Variants in ANKRD17 observed in about 807,000 individuals in gnomAD.
ANKRD17 encodes the protein ankyrin repeat domain 17, also known as ankyrin repeat domain-containing protein 17.
ANKRD17 carries 19 observed loss-of-function variants against 229.7 expected under a neutral mutation model. The ratio of observed to expected loss-of-function variants is 0.08; its 90% CI spans 0.06 to 0.12. ANKRD17 has a LOEUF of 0.12. Among genes scored for constraint, ANKRD17 ranks in the 10% least tolerant of loss-of-function variants. The pLI, the probability that ANKRD17 is intolerant of heterozygous loss-of-function variation, is 1.00. For synonymous variants in ANKRD17, 1,112 were observed against 1,146.1 expected (o/e 0.97, Z 0.60); for missense variants, 2,176 against 3,176.8 (o/e 0.68, Z 7.57).
rs752857815 is a variant in ANKRD17, at chr4:73,077,496, A to G, written c.7446T>C (p.Pro2482=). 2 of 1,612,222 alleles carry G rather than the reference A, an allele frequency of 1.2e-6. No homozygotes were observed. Among genetic ancestry groups the G allele is most frequent in the Non-Finnish European group, 1.7e-6 (2 of 1,179,198 alleles). Residue 2482 remains proline (P), a synonymous_variant, in exon 32 of 34, where the codon CCT becomes CCC. Coordinates refer to ENST00000358602, the MANE Select transcript of ANKRD17 (RefSeq NM_032217.5). ...VDWCNPGMGN[P]MIHRPMSDPG... is the part of the protein sequence containing the mutation. ...GGTCAGACATCGGTCTGTGGATCAT[A>G]GGATTTCCCATCCCAGGGTTACACC...
chr4:73,196,547 T>TAC (rs373480116), intron 1 of ANKRD17, among the ~76,000 whole-genome samples: 2 of 152,090 alleles, frequency 1.3e-5, no homozygotes, highest in South Asian at 2.1e-4. Context: ...CGTTTATATT[T>TAC]ACACACACAC....
At chr4:73,114,667 T>C (rs911517248) in intron 23 of ANKRD17, among the ~76,000 whole-genome samples, 9 of 152,104 alleles carry the variant, frequency 5.9e-5, no homozygotes, top group Non-Finnish European at 1.2e-4. Flanking sequence ...TAAAAATAAT[T>C]TATTTTTAAT....
At chr4:73,197,471 T>C (rs1738042563) in intron 1 of ANKRD17, among the ~76,000 whole-genome samples, 1 of 152,146 alleles carries the variant, frequency 6.6e-6, no homozygotes, top group Non-Finnish European at 1.5e-5. Flanking sequence ...GTAATACAAA[T>C]ACTAGCACAC....
chr4:73,247,551 T>A (rs533745472), intron 1 of ANKRD17, among the ~76,000 whole-genome samples: 1 of 151,994 alleles, frequency 6.6e-6, no homozygotes, highest in East Asian at 1.9e-4. Context: ...AATATTAACA[T>A]ACTCTAACAC....
In ANKRD17 at chr4:73,074,445, T is replaced by TTTATTTC. The variant is rs1720882051; in HGVS notation, c.*1785_*1786insGAAATAA. The TTTATTTC allele has an allele frequency of 6.6e-6, 1 of 152,048 alleles. No individual in the cohort carries two copies. The highest frequency in any genetic ancestry group is 1.5e-5 in the Non-Finnish European group (1 of 67,890). The allele number at this position is 152,048 out of a possible 1,614,324, so 9.4% of individuals were successfully genotyped here. ...AAGTGCTATAATTTTATTTCATAGC[T>TTTATTTC]ATATTTATTTGTAGGCTGTCTTTTA... is the stretch of plus-strand genomic sequence containing the variant. On this transcript the variant is annotated 3_prime_UTR_variant, in exon 34 of 34. Transcript: ENST00000358602.
Position 73,090,862 on chromosome 4 carries a change from T to C in ANKRD17, c.6766A>G (p.Thr2256Ala). 1 of 1,614,208 alleles carries C rather than the reference T, an allele frequency of 6.2e-7. No homozygotes were observed. Reference protein sequence around the residue: ...SAPLPFGPFSTLFENSPTSAH... With the variant: ...SAPLPFGPFSALFENSPTSAH... ...GAAGTAGGGCTGTTTTCAAACAATG[T>C]GCTAAAGGGCCCAAATGGTAAGGGG... Residue 2256 changes from threonine (T) to alanine (A), a missense_variant, in exon 29 of 34, where the codon ACA becomes GCA. Around this residue, in one of 18 missense-constraint regions of ANKRD17, gnomAD observed 424 missense variants for 454.0 expected, o/e 0.93. Transcript: ENST00000358602.
At chr4:73,174,583 A>G (rs901872909) in intron 2 of ANKRD17, among the ~76,000 whole-genome samples, 4 of 152,240 alleles carry the variant, frequency 2.6e-5, no homozygotes, top group African/African-American at 9.6e-5. Flanking sequence ...TCCTAGCCAG[A>G]GCAATCAGAC....
chr4:73,170,567 A>G (rs540609233), intron 2 of ANKRD17, among the ~76,000 whole-genome samples: 1 of 150,430 alleles, frequency 6.6e-6, no homozygotes, highest in East Asian at 2.0e-4. Context: ...TAGAAAGTGG[A>G]CTCTCGGGGT....
intron 1 of ANKRD17, among the ~76,000 whole-genome samples, chr4:73,191,936 T>A (rs1274472534): frequency 1.3e-5 from 2 of 152,104 alleles, no homozygotes; most frequent in Non-Finnish European, 2.9e-5. Context: ...GAAGTTCTTT[T>A]TATTTTAACA....
chr4:73,091,253 C>T lies in ANKRD17; in HGVS notation c.6375G>A (p.Gln2125=). The T allele has an allele frequency of 1.9e-6, 3 of 1,614,208 alleles. No individual in the cohort carries two copies. The highest frequency in any genetic ancestry group is 2.5e-6 in the Non-Finnish European group (3 of 1,180,042). The change falls in exon 29 of 34, where the codon CAG becomes CAA. Residue 2125 remains glutamine, a synonymous_variant. Coordinates refer to ENST00000358602, the MANE Select transcript of ANKRD17 (RefSeq NM_032217.5). ...TAACTTCCGGGGGAGGAACCTGAGACTGCTGAAGAGGTGGTCTTGGTTCCT... is the reference window on the plus strand; with the variant it reads ...TAACTTCCGGGGGAGGAACCTGAGATTGCTGAAGAGGTGGTCTTGGTTCCT... ...VSQEPRPPLQ[Q]SQVPPPEVRM... is the part of the protein sequence containing the mutation.
rs138258736 is a variant in ANKRD17, at chr4:73,139,440, T to C, written c.3085+91A>G. ...ACATGAGTCAGTCCAAAAATAGTTC[T>C]CAAGTTGGGTAACGGCAAAAAATTT... On this transcript the variant is annotated intron_variant, in intron 15 of 33. Transcript: ENST00000358602. 6.8e-6 allele frequency: 10 copies of C among 1,464,842 alleles called. No homozygotes were observed. In the African/African-American group the frequency reaches 1.1e-4, roughly 17 times the overall value. The allele number at this position is 1,464,842 out of a possible 1,614,324, so 90.7% of individuals were successfully genotyped here.
At chr4:73,237,022 A>G (rs976524501) in intron 1 of ANKRD17, among the ~76,000 whole-genome samples, 1 of 152,222 alleles carries the variant, frequency 6.6e-6, no homozygotes, top group Non-Finnish European at 1.5e-5. Context: ...ATTTTTGTCA[A>G]GCACAGAAAC....
chr4:73,113,086 C>A, intron 24 of ANKRD17: 1 of 1,181,970 alleles, frequency 8.5e-7, no homozygotes, highest in South Asian at 1.6e-5. Context: ...CTGCGCCCAG[C>A]CACTGACCTT....
Position 73,098,286 on chromosome 4 carries a change from G to C in ANKRD17, c.4808C>G (p.Ser1603Cys). 2.5e-6 allele frequency: 4 copies of C among 1,614,144 alleles called. No individual in the cohort carries two copies. The highest frequency in any genetic ancestry group is 3.4e-6 in the Non-Finnish European group (4 of 1,180,040). Residue 1603 changes from serine to cysteine, a missense_variant, in exon 26 of 34, where the codon TCC (serine) becomes TGC (cysteine). Physicochemically the swap from Ser to Cys is moderately radical, Grantham distance 112 (BLOSUM62 -1). Around this residue, in one of 18 missense-constraint regions of ANKRD17, gnomAD observed 105 missense variants for 118.3 expected, o/e 0.89. Coordinates refer to ENST00000358602, the MANE Select transcript of ANKRD17 (RefSeq NM_032217.5). ...YSQPEKVNGE[S>C]KSSSTSESGD... The stretch of plus-strand genomic sequence containing the variant: ...ACTCTCGCTGGTACTGCTGCTCTTG[G>C]ACTCTCCATTCACCTTCTCTGGCTG...
chr4:73,076,968 C>T lies in ANKRD17; in HGVS notation c.7724G>A (p.Ser2575Asn), dbSNP rs1257897136. 6.2e-7 allele frequency: 1 copy of T among 1,612,578 alleles called. No homozygotes were observed. The highest frequency in any genetic ancestry group is 1.3e-5 in the African/African-American group (1 of 74,870). ...SWNSLIKMVS[S>N]STENNGPQTV... ...TTGAGGGCCATTATTTTCCGTGGAGCTGGAAACCATCTTTATCAGTGAGTT... is the reference window on the plus strand; with the variant it reads ...TTGAGGGCCATTATTTTCCGTGGAGTTGGAAACCATCTTTATCAGTGAGTT... Residue 2575 changes from serine to asparagine, a missense_variant, in exon 33 of 34, where the codon AGC (serine) becomes AAC (asparagine). Transcript: ENST00000358602.
chr4:73,206,425 TGAGAGA>T (rs1202477664), intron 1 of ANKRD17, among the ~76,000 whole-genome samples: 1 of 142,364 alleles, frequency 7.0e-6, no homozygotes, highest in East Asian at 2.1e-4. Flanking sequence ...AGAAAGAAAG[TGAGAGA>T]GAGAGAGAGA....
At chr4:73,127,298 A>C (rs945824254) in intron 16 of ANKRD17, among the ~76,000 whole-genome samples, 1 of 152,232 alleles carries the variant, frequency 6.6e-6, no homozygotes, top group Non-Finnish European at 1.5e-5. Context: ...TTTTAGTATG[A>C]AATAAAAATG....
intron 27 of ANKRD17, among the ~76,000 whole-genome samples, chr4:73,096,812 A>G (rs1723352645): frequency 6.6e-6 from 1 of 152,228 alleles, no homozygotes; most frequent in African/African-American, 2.4e-5. Flanking sequence ...CTAATTCATC[A>G]AATGTTTACA....
At position 73,077,118 on chromosome 4, in the gene ANKRD17, AACAC is replaced by A. The variant is rs1237319222; in HGVS notation, c.7588-18_7588-15del. On this transcript the variant is annotated splice_polypyrimidine_tract_variant and intron_variant, in intron 32 of 33. Coordinates refer to ENST00000358602, the MANE Select transcript of ANKRD17 (RefSeq NM_032217.5). ...AAAAGGCATACCCTTAAAAAAGGAAAACACACACATTAACATCCAAGTCATTGTT... is the reference window on the plus strand; with the variant it reads ...AAAAGGCATACCCTTAAAAAAGGAAAACACATTAACATCCAAGTCATTGTT... 2.6e-6 allele frequency: 4 copies of A among 1,553,074 alleles called. No homozygotes were observed. The highest frequency in any genetic ancestry group is 3.5e-6 in the Non-Finnish European group (4 of 1,151,806).
Sources: allele counts gnomAD v4.1 joint callset (sites outside exome capture counted in the v4.1 genomes callset), GRCh38; gene constraint gnomAD v4.1.1; regional missense constraint gnomAD v4.1.1; transcripts MANE v1.5; gene names NCBI Gene and HGNC (gene_info 2026-07-23, HGNC 2026-07-21).